Variants in SUGCT observed in about 807,000 individuals in gnomAD.
SUGCT encodes the protein succinyl-CoA:glutarate-CoA transferase.
A neutral mutation model predicts 55.0 loss-of-function variants in SUGCT; 41 were observed. The observed-to-expected ratio is 0.74, with a 90% CI of 0.58 to 0.97. The LOEUF (loss-of-function observed/expected upper bound fraction) is 0.97, where lower values mean the gene tolerates loss of function less well. SUGCT is among the 50% of genes least tolerant of loss of function. SUGCT has a pLI of 0.00. For missense variants in SUGCT, 568 were observed against 547.8 expected, an observed-to-expected ratio of 1.04 and a Z score of -0.37; for synonymous variants, 187 against 200.4, an observed-to-expected ratio of 0.93 and a Z score of 0.56.
intron 9 of SUGCT, among the ~76,000 whole-genome samples, chr7:40,428,787 A>C (rs1787735630): frequency 6.6e-6 from 1 of 152,158 alleles, no homozygotes; most frequent in African/African-American, 2.4e-5. Context: ...TTACAGTATT[A>C]CAGTATTCTT....
chr7:40,300,771 G>T (rs1011966927), intron 8 of SUGCT, among the ~76,000 whole-genome samples: 1 of 152,166 alleles, frequency 6.6e-6, no homozygotes, highest in South Asian at 2.1e-4. Flanking sequence ...TTGATGAGGA[G>T]TTCTGACTGT....
intron 7 of SUGCT, among the ~76,000 whole-genome samples, chr7:40,253,160 A>G (rs1790558899): frequency 6.6e-6 from 1 of 152,118 alleles, no homozygotes; most frequent in African/African-American, 2.4e-5. Flanking sequence ...CCCTTTTTTC[A>G]TCTGTGAAAT....
intron 11 of SUGCT, 65 bp from the exon 12 acceptor site, chr7:40,496,219 A>G: frequency 3.0e-6 from 3 of 1,001,092 alleles, no homozygotes; most frequent in South Asian, 1.4e-5. Flanking sequence ...AGAGGGCCAC[A>G]TGATAGAAGA....
At chr7:40,414,754 A>G (rs1786877079) in intron 9 of SUGCT, among the ~76,000 whole-genome samples, 1 of 151,728 alleles carries the variant, frequency 6.6e-6, no homozygotes. Flanking sequence ...CAAAAAGTAT[A>G]AAAATTGGCT....
chr7:40,254,994 C>T (rs923022195), intron 7 of SUGCT, among the ~76,000 whole-genome samples: 5 of 150,228 alleles, frequency 3.3e-5, no homozygotes, highest in Non-Finnish European at 7.4e-5. Context: ...CAAGGTGGGG[C>T]GGGGGGAGCA....
chr7:40,627,056 G>T (rs935127831), intron 12 of SUGCT, among the ~76,000 whole-genome samples: 1 of 152,128 alleles, frequency 6.6e-6, no homozygotes. Context: ...AACAAGGGGA[G>T]GCCTTTTATC....
At chr7:40,215,074 G>T (rs1787547302) in intron 6 of SUGCT, among the ~76,000 whole-genome samples, 1 of 152,140 alleles carries the variant, frequency 6.6e-6, no homozygotes, top group Non-Finnish European at 1.5e-5. Flanking sequence ...TTATAGCATG[G>T]CAGATACGTT....
At chr7:40,611,923 C>T (rs1399546913) in intron 12 of SUGCT, among the ~76,000 whole-genome samples, 1 of 152,088 alleles carries the variant, frequency 6.6e-6, no homozygotes, top group Non-Finnish European at 1.5e-5. Flanking sequence ...TAACCACTAT[C>T]ACAGAGCTGT....
intron 11 of SUGCT, among the ~76,000 whole-genome samples, chr7:40,474,233 A>G (rs1189450731): frequency 6.6e-6 from 1 of 152,214 alleles, no homozygotes; most frequent in Non-Finnish European, 1.5e-5. Flanking sequence ...GGGTTTGCCT[A>G]GAAGCAAAAC....
chr7:40,542,182 G>T (rs79751698), intron 12 of SUGCT, among the ~76,000 whole-genome samples: 1,607 of 152,314 alleles, frequency 0.011, 28 homozygotes, highest in African/African-American at 0.036. Context: ...AATACTTTAT[G>T]CATAGTATCT....
At chr7:40,253,947 C>T (rs1045937975) in intron 7 of SUGCT, among the ~76,000 whole-genome samples, 1 of 152,230 alleles carries the variant, frequency 6.6e-6, no homozygotes, top group African/African-American at 2.4e-5. Flanking sequence ...ATTGACTGCT[C>T]AGTTTAGTTT....
chr7:40,274,882 A>T (rs1792359885), intron 8 of SUGCT, among the ~76,000 whole-genome samples: 1 of 152,000 alleles, frequency 6.6e-6, no homozygotes, highest in Admixed American at 6.6e-5. Context: ...GCTCACTGCA[A>T]CCTCCACCTC....
At chr7:40,453,491 A>G (rs940928039) in intron 10 of SUGCT, among the ~76,000 whole-genome samples, 1 of 152,220 alleles carries the variant, frequency 6.6e-6, no homozygotes, top group East Asian at 1.9e-4. Flanking sequence ...TAATCAGCAT[A>G]CCAAAGATGA....
chr7:40,725,576 C>CTTTTTTT (rs538978750), intron 12 of SUGCT, among the ~76,000 whole-genome samples: 1 of 142,964 alleles, frequency 7.0e-6, no homozygotes, highest in Non-Finnish European at 1.5e-5. Flanking sequence ...CCTCTATTTT[C>CTTTTTTT]TTTTTTTTTT....
At chr7:40,294,642 G>GTAGAGATGGGGT (rs1794004492) in intron 8 of SUGCT, among the ~76,000 whole-genome samples, 2 of 152,126 alleles carry the variant, frequency 1.3e-5, no homozygotes, top group South Asian at 4.1e-4. Flanking sequence ...CGCTTCTCAG[G>GTAGAGATGGGGT]TTCAAGTGAT....
chr7:40,614,615 A>C (rs1798908843), intron 12 of SUGCT, among the ~76,000 whole-genome samples: 1 of 152,248 alleles, frequency 6.6e-6, no homozygotes, highest in Non-Finnish European at 1.5e-5. Flanking sequence ...GCCATACCAC[A>C]GTTTATTAAA....
chr7:40,401,377 G>T (rs183548116), intron 9 of SUGCT, among the ~76,000 whole-genome samples: 11 of 152,306 alleles, frequency 7.2e-5, no homozygotes, highest in African/African-American at 2.4e-4. Context: ...TCAGAGAAGG[G>T]CTCTGCCCTC....
At chr7:40,885,952 G>A in the SUGCT span, among the ~76,000 whole-genome samples, 1 of 152,148 alleles carries the variant, frequency 6.6e-6, no homozygotes, top group Non-Finnish European at 1.5e-5. Context: ...GTTGTGGATG[G>A]ACCTTTCTTT....
At chr7:40,617,458 C>T (rs1046263252) in intron 12 of SUGCT, among the ~76,000 whole-genome samples, 1 of 149,438 alleles carries the variant, frequency 6.7e-6, no homozygotes, top group African/African-American at 2.5e-5. Flanking sequence ...AATTCTGATT[C>T]AACTGGTTAG....
Sources: allele counts gnomAD v4.1 joint callset (sites outside exome capture counted in the v4.1 genomes callset), GRCh38; gene constraint gnomAD v4.1.1; transcripts MANE v1.5; gene names NCBI Gene and HGNC (gene_info 2026-07-23, HGNC 2026-07-21).